The following STT3B variants were observed in gnomAD, a reference collection of about 807,000 sequenced individuals.
STT3B encodes the protein dolichyl-diphosphooligosaccharide--protein glycosyltransferase subunit STT3B.
Under a neutral mutation model 96.8 loss-of-function variants are expected in STT3B, and 29 were observed. The ratio of observed to expected loss-of-function variants is 0.30; its 90% CI spans 0.22 to 0.41. The LOEUF is 0.41. Among genes scored for constraint, STT3B ranks in the 10% least tolerant of loss-of-function variants. The probability of loss-of-function intolerance (pLI) is 1.00; values close to 1 mark genes in which losing one functional copy is unlikely to be tolerated. For synonymous variants in STT3B, 367 were observed against 360.0 expected, an observed-to-expected ratio of 1.02 and a Z score of -0.22; for missense variants, 640 against 1,022.3, an observed-to-expected ratio of 0.63 and a Z score of 5.10.
chr3:31,578,167 A>G (rs575571321), intron 2 of STT3B, among the ~76,000 whole-genome samples: 1 of 152,304 alleles, frequency 6.6e-6, no homozygotes, highest in East Asian at 1.9e-4. Context: ...TTGATGGATG[A>G]ATAGAATTTG....
chr3:31,538,363 C>T (rs192034793), intron 1 of STT3B, among the ~76,000 whole-genome samples: 10 of 152,236 alleles, frequency 6.6e-5, no homozygotes, highest in Non-Finnish European at 1.0e-4. Context: ...GGATCAGATT[C>T]CATCATTCCA....
chr3:31,605,390 C>T (rs546530391), intron 5 of STT3B, among the ~76,000 whole-genome samples: 1 of 152,108 alleles, frequency 6.6e-6, no homozygotes, highest in South Asian at 2.1e-4. Context: ...TGTGTCCCCA[C>T]CCAAATTTCA....
At chr3:31,586,912 T>C (rs1698552318) in intron 3 of STT3B, among the ~76,000 whole-genome samples, 1 of 152,178 alleles carries the variant, frequency 6.6e-6, no homozygotes, top group Admixed American at 6.5e-5. Context: ...AAAAGCCTTC[T>C]GGGATGTTGA....
At chr3:31,551,583 C>T (rs181017335) in intron 1 of STT3B, among the ~76,000 whole-genome samples, 27 of 152,298 alleles carry the variant, frequency 1.8e-4, no homozygotes, top group South Asian at 1.4e-3. Flanking sequence ...TGGTACTAGT[C>T]GCTTTCTCAT....
In STT3B at chr3:31,625,099, A is replaced by C. The variant is rs1157963861; in HGVS notation, c.1899+14A>C. ...CACATAGCACTGGTAAGGATTTACT[A>C]AATACAAGGTTAAAAAATCTTTATT... On this transcript the variant is annotated intron_variant, in intron 12 of 15. Coordinates refer to ENST00000295770, the MANE Select transcript of STT3B (RefSeq NM_178862.3). The C allele has an allele frequency of 1.9e-6, 3 of 1,605,286 alleles. No individual in the cohort carries two copies. The African/African-American group carries it at 4.0e-5, about 22-fold the overall frequency.
intron 3 of STT3B, among the ~76,000 whole-genome samples, chr3:31,593,618 GCTCA>G (rs1427586517): frequency 6.6e-6 from 1 of 151,900 alleles, no homozygotes; most frequent in African/African-American, 2.4e-5. Context: ...CTATCTTCAT[GCTCA>G]CTGATTCTTC....
intron 3 of STT3B, among the ~76,000 whole-genome samples, chr3:31,580,890 A>C (rs1275014479): frequency 6.6e-6 from 1 of 151,964 alleles, no homozygotes; most frequent in African/African-American, 2.4e-5. Flanking sequence ...TGCTGTACTT[A>C]TCAAAAAGTG....
chr3:31,612,112 G>A (rs540695805), intron 5 of STT3B, among the ~76,000 whole-genome samples: 9 of 152,222 alleles, frequency 5.9e-5, no homozygotes, highest in South Asian at 2.1e-4. Context: ...TCACTGGAGC[G>A]TTTCCTGTTT....
intron 3 of STT3B, among the ~76,000 whole-genome samples, chr3:31,595,333 C>A (rs1464823002): frequency 2.0e-5 from 3 of 152,220 alleles, no homozygotes; most frequent in Non-Finnish European, 2.9e-5. Context: ...ACCATACTTA[C>A]AAAGTCCTAA....
At chr3:31,624,246 G>A (rs1182753888) in intron 11 of STT3B, among the ~76,000 whole-genome samples, 6 of 152,132 alleles carry the variant, frequency 3.9e-5, no homozygotes, top group South Asian at 2.1e-4. Flanking sequence ...GCCCCTGCCA[G>A]CCTCTGCCTT....
At chr3:31,627,526 G>A (rs1575448365) in intron 13 of STT3B, among the ~76,000 whole-genome samples, 1 of 152,296 alleles carries the variant, frequency 6.6e-6, no homozygotes, top group East Asian at 1.9e-4. Context: ...ATCCAGCATT[G>A]TGCTTTTACA....
chr3:31,624,467 T>G (rs981597408), intron 11 of STT3B, among the ~76,000 whole-genome samples: 2 of 152,234 alleles, frequency 1.3e-5, no homozygotes, highest in African/African-American at 2.4e-5. Flanking sequence ...ATTCTTGACC[T>G]CACCCTAATG....
chr3:31,541,956 G>A (rs576070375), intron 1 of STT3B, among the ~76,000 whole-genome samples: 2 of 152,174 alleles, frequency 1.3e-5, no homozygotes, highest in South Asian at 2.1e-4. Flanking sequence ...GGTGCCTCTA[G>A]GAAAGAGAAA....
At chr3:31,549,650 A>T (rs1180905799) in intron 1 of STT3B, among the ~76,000 whole-genome samples, 2 of 152,194 alleles carry the variant, frequency 1.3e-5, no homozygotes, top group Non-Finnish European at 2.9e-5. Flanking sequence ...ATATCTAATA[A>T]TTGTTAGAAA....
chr3:31,548,796 C>T (rs1243993917), intron 1 of STT3B, among the ~76,000 whole-genome samples: 2 of 152,220 alleles, frequency 1.3e-5, no homozygotes, highest in East Asian at 1.9e-4. Context: ...TCATACCTGG[C>T]GAGCACAAAG....
chr3:31,588,379 T>C (rs150175793), intron 3 of STT3B, among the ~76,000 whole-genome samples: 9 of 152,210 alleles, frequency 5.9e-5, no homozygotes, highest in African/African-American at 2.2e-4. Context: ...TGTTAACTTA[T>C]TCTAGAAACA....
chr3:31,571,053 A>G lies in STT3B; in HGVS notation c.315-5343A>G, dbSNP rs373828582. ...GAAGCCCAAGGTCAAAGCCTAGTTG[A>G]GAAGAGGGTTTAGAGAAACCTAATG... is the stretch of plus-strand genomic sequence containing the variant. On this transcript the variant is annotated intron_variant, in intron 1 of 15. Transcript: ENST00000295770. Among the ~76,000 whole-genome samples the G allele has an allele frequency of 3.3e-5, 5 of 152,174 alleles. No homozygotes were observed. In the East Asian group the frequency reaches 7.7e-4, roughly 23 times the overall value.
chr3:31,579,678 G>A, intron 2 of STT3B, 131 bp from the exon 3 acceptor site: 1 of 686,706 alleles, frequency 1.5e-6, no homozygotes, highest in Non-Finnish European at 2.3e-6. Context: ...TTATAAAGAA[G>A]GCAAATTGTT....
chr3:31,618,801 G>T (rs1016373128), intron 8 of STT3B, among the ~76,000 whole-genome samples: 2 of 151,930 alleles, frequency 1.3e-5, no homozygotes, highest in African/African-American at 2.4e-5. Flanking sequence ...GAATTTGAAG[G>T]ATAACCCAAG....
Sources: gnomAD v4.1 joint callset for allele counts (sites outside exome capture counted in the v4.1 genomes callset) on GRCh38, gnomAD v4.1.1 for gene constraint, MANE v1.5 for transcripts, NCBI Gene and HGNC (gene_info 2026-07-23, HGNC 2026-07-21) for gene names.